Variants in DIP2B observed in about 807,000 individuals in gnomAD.
DIP2B encodes the protein DIP2 acetate--CoA ligase B (putative).
In DIP2B, 76 loss-of-function variants were observed where a neutral mutation model predicts 198.0. The ratio of observed to expected loss-of-function variants is 0.38; its 90% CI spans 0.32 to 0.46. The LOEUF (loss-of-function observed/expected upper bound fraction) is 0.46. Among genes scored for constraint, DIP2B ranks in the 20% least tolerant of loss-of-function variants. The probability of loss-of-function intolerance (pLI) is 0.99; values close to 1 mark genes in which losing one functional copy is unlikely to be tolerated. For synonymous variants in DIP2B, 701 were observed against 739.1 expected (o/e 0.95, Z 0.84); for missense variants, 1,559 against 1,978.4 (o/e 0.79, Z 4.02).
At chr12:50,539,967 C>G (rs1370952952) in intron 1 of DIP2B, among the ~76,000 whole-genome samples, 1 of 151,504 alleles carries the variant, frequency 6.6e-6, no homozygotes, top group Non-Finnish European at 1.5e-5. Flanking sequence ...TCTTTATTCC[C>G]CCAGCTTCTA....
intron 1 of DIP2B, among the ~76,000 whole-genome samples, chr12:50,577,019 G>T (rs1958668353): frequency 6.6e-6 from 1 of 151,330 alleles, no homozygotes; most frequent in South Asian, 2.1e-4. Context: ...CCTAATTTTT[G>T]TATTTTTAGT....
At chr12:50,575,417 C>T (rs1958650759) in intron 1 of DIP2B, among the ~76,000 whole-genome samples, 1 of 151,608 alleles carries the variant, frequency 6.6e-6, no homozygotes, top group Non-Finnish European at 1.5e-5. Flanking sequence ...GGGTCTCGCT[C>T]TGTCACCCAG....
intron 1 of DIP2B, among the ~76,000 whole-genome samples, chr12:50,543,686 G>A (rs1958347496): frequency 6.6e-6 from 1 of 151,932 alleles, no homozygotes; most frequent in Admixed American, 6.6e-5. Context: ...ACTTTGGGAG[G>A]CTGAGGTGGG....
Position 50,723,214 on chromosome 12 carries a change from T to C in DIP2B, c.3179T>C (p.Ile1060Thr), listed in dbSNP as rs1939873618. The change falls in exon 27 of 38, where the codon ATC becomes ACC. Residue 1060 changes from isoleucine to threonine, a missense_variant. By Grantham distance (89) the Ile-to-Thr change is moderately conservative. Transcript: ENST00000301180. ...VLLYPPGIEL[I>T]AAFYGCLYAG... ...CTTTGTCTTGCAGGCATTGAGTTAATCGCCGCCTTCTATGGCTGCCTGTAT... is the reference window on the plus strand; with the variant it reads ...CTTTGTCTTGCAGGCATTGAGTTAACCGCCGCCTTCTATGGCTGCCTGTAT... The C allele has an allele frequency of 2.5e-6, 4 of 1,614,172 alleles. No homozygotes were observed. The highest frequency in any genetic ancestry group is 3.4e-6 in the Non-Finnish European group (4 of 1,180,036).
At chr12:50,711,296 C>T (rs191678880) in intron 22 of DIP2B, among the ~76,000 whole-genome samples, 5 of 152,240 alleles carry the variant, frequency 3.3e-5, no homozygotes, top group Middle Eastern at 3.4e-3. Context: ...ATTCCAGGTC[C>T]GTGTATAACA....
intron 1 of DIP2B, among the ~76,000 whole-genome samples, chr12:50,511,017 C>T (rs1958010599): frequency 6.8e-6 from 1 of 146,764 alleles, no homozygotes; most frequent in Non-Finnish European, 1.5e-5. Flanking sequence ...ATGATCTCGG[C>T]TCACTGCAAC....
At chr12:50,743,239 T>C (rs1378861968) in intron 37 of DIP2B, among the ~76,000 whole-genome samples, 3 of 152,082 alleles carry the variant, frequency 2.0e-5, no homozygotes, top group African/African-American at 4.8e-5. Context: ...CACTCAACCA[T>C]GCCCGGCTAA....
chr12:50,505,363 G>A (rs1593558832), intron 1 of DIP2B, 123 bp downstream of exon 1: 2 of 721,418 alleles, frequency 2.8e-6, no homozygotes, highest in East Asian at 3.2e-5. Context: ...AGAGAACCTG[G>A]CCTGGCGCTC....
At chr12:50,727,632 G>A in intron 28 of DIP2B, 71 bp from the exon 29 acceptor site, 1 of 1,434,690 alleles carries the variant, frequency 7.0e-7, no homozygotes, top group South Asian at 1.2e-5. Flanking sequence ...CCATAGCAAA[G>A]CCACAGAAGA....
At chr12:50,590,360 G>T (rs1958808525) in intron 1 of DIP2B, among the ~76,000 whole-genome samples, 3 of 151,768 alleles carry the variant, frequency 2.0e-5, no homozygotes, top group African/African-American at 7.3e-5. Context: ...TGTGGCCCAA[G>T]GAGTGATTTT....
chr12:50,700,650 A>G (rs1237750916), intron 19 of DIP2B, among the ~76,000 whole-genome samples: 1 of 152,160 alleles, frequency 6.6e-6, no homozygotes, highest in Non-Finnish European at 1.5e-5. Context: ...GTGTTTACCC[A>G]ACCTAAAATG....
At chr12:50,515,355 C>T (rs1198016185) in intron 1 of DIP2B, among the ~76,000 whole-genome samples, 1 of 152,048 alleles carries the variant, frequency 6.6e-6, no homozygotes, top group Non-Finnish European at 1.5e-5. Context: ...CTCAGCCTCC[C>T]AAGTAGCTGG....
In DIP2B at chr12:50,554,925, G is replaced by A. The variant is rs554195369; in HGVS notation, c.100+49685G>A. On this transcript the variant is annotated intron_variant, in intron 1 of 37. Transcript: ENST00000301180. ...TGGAACTAAAGGCGCGCGCCACCAC[G>A]CCTGCCTAATTTTTTGTATTTTAGT... Among the ~76,000 whole-genome samples, 193 of 152,028 alleles carry A rather than the reference G, an allele frequency of 1.3e-3. 1 individual carries two copies. The South Asian group carries it at 0.039, about 30-fold the overall frequency.
At chr12:50,634,632 C>T (rs1308049184) in intron 2 of DIP2B, among the ~76,000 whole-genome samples, 4 of 152,184 alleles carry the variant, frequency 2.6e-5, no homozygotes, top group African/African-American at 4.8e-5. Flanking sequence ...TTGACCAGCC[C>T]TATAAATAGT....
intron 26 of DIP2B, among the ~76,000 whole-genome samples, chr12:50,722,426 G>A (rs1448257428): frequency 6.6e-6 from 1 of 151,952 alleles, no homozygotes; most frequent in Non-Finnish European, 1.5e-5. Flanking sequence ...GCTAATTTTT[G>A]TATTTTTAGT....
At position 50,693,002 on chromosome 12, in the gene DIP2B, G is replaced by A. The variant is rs1369286164; in HGVS notation, c.1708G>A (p.Gly570Ser). 5.6e-6 allele frequency: 9 copies of A among 1,610,690 alleles called. No homozygotes were observed. Among genetic ancestry groups the A allele is most frequent in the African/African-American group, 2.7e-5 (2 of 74,660 alleles). ...DFKKDAGLWH[G>S]MFANVMNKMH... ...TAAGAAGGATGCTGGGCTGTGGCAC[G>A]GCATGTTTGCGGTAAGCTACTCAGA... The change falls in exon 14 of 38, where the codon GGC becomes AGC. Residue 570 changes from glycine to serine, a missense_variant. By Grantham distance (56) the Gly-to-Ser change is moderately conservative (BLOSUM62 0). Transcript: ENST00000301180.
At chr12:50,720,644 C>T (rs1316442) in intron 25 of DIP2B, among the ~76,000 whole-genome samples, 3 of 151,744 alleles carry the variant, frequency 2.0e-5, no homozygotes, top group Non-Finnish European at 4.4e-5. Context: ...CAGCCAGGCA[C>T]GGTGGCTCAT....
At chr12:50,536,858 A>C (rs1388067095) in intron 1 of DIP2B, among the ~76,000 whole-genome samples, 1 of 142,070 alleles carries the variant, frequency 7.0e-6, no homozygotes, top group Non-Finnish European at 1.6e-5. Context: ...TGTGAGCCAC[A>C]ATAATTGTAT....
intron 2 of DIP2B, among the ~76,000 whole-genome samples, chr12:50,634,691 A>G (rs1938125133): frequency 6.6e-6 from 1 of 152,220 alleles, no homozygotes; most frequent in East Asian, 1.9e-4. Flanking sequence ...GTCTTTGGCC[A>G]TCCCATAGAT....
Sources: gnomAD v4.1 joint callset for allele counts (sites outside exome capture counted in the v4.1 genomes callset) on GRCh38, gnomAD v4.1.1 for gene constraint, MANE v1.5 for transcripts, NCBI Gene and HGNC (gene_info 2026-07-23, HGNC 2026-07-21) for gene names.